Variants in HACD1 observed in about 807,000 individuals in gnomAD.
HACD1 encodes the protein very-long-chain (3R)-3-hydroxyacyl-CoA dehydratase 1.
HACD1 carries 41 observed loss-of-function variants against 32.0 expected under a neutral mutation model. That is an observed-to-expected ratio of 1.28 (90% CI 1.00 to 1.66). HACD1 has a LOEUF of 1.66. Among genes scored for constraint, HACD1 ranks in the 40% most tolerant of loss-of-function variants. HACD1 has a pLI of 0.00. For missense variants in HACD1, 396 were observed against 380.1 expected (o/e 1.04, Z -0.35); for synonymous variants, 142 against 139.0 (o/e 1.02, Z -0.15).
chr10:17,594,226 T>C lies in HACD1; in HGVS notation c.763A>G (p.Thr255Ala). 1.3e-6 allele frequency: 2 copies of C among 1,575,450 alleles called. No homozygotes were observed. The highest frequency in any genetic ancestry group is 2.4e-5 in the South Asian group (2 of 84,946). ...TTACAAGGTATATATGATGCCATGG[T>C]TATAAGAAGAAAATAATAGTAGTCA... Reference protein sequence around the residue: ...SFDYYYFLLITMASYIPLFPQ... With the variant: ...SFDYYYFLLIAMASYIPLFPQ... The change falls in exon 6 of 7, where the codon ACC becomes GCC. Residue 255 changes from threonine (T) to alanine (A), a missense_variant. Thr to Ala is a moderately conservative substitution (Grantham distance 58, BLOSUM62 0). Transcript: ENST00000361271.
chr10:17,599,268 C>T, intron 5 of HACD1, 22 bp downstream of exon 5: 1 of 1,612,888 alleles, frequency 6.2e-7, no homozygotes, highest in South Asian at 1.1e-5. Context: ...CAAGGAGAAA[C>T]TAAACTGCAA....
At chr10:17,595,865 C>T (rs1418233208) in intron 5 of HACD1, among the ~76,000 whole-genome samples, 6 of 151,986 alleles carry the variant, frequency 3.9e-5, no homozygotes, top group South Asian at 4.2e-4. Context: ...GCATGCCTGT[C>T]GCCCCAGCTA....
intron 1 of HACD1, among the ~76,000 whole-genome samples, chr10:17,610,543 G>A (rs1190964764): frequency 2.0e-5 from 3 of 151,982 alleles, no homozygotes; most frequent in Admixed American, 1.3e-4. Context: ...CAGCTACTCG[G>A]GAGGCTGAGG....
intron 1 of HACD1, among the ~76,000 whole-genome samples, chr10:17,612,167 C>T (rs895515464): frequency 2.7e-5 from 4 of 147,426 alleles, no homozygotes; most frequent in African/African-American, 4.9e-5. Context: ...AGGTGTAATT[C>T]TTCTTCCAGG....
At chr10:17,602,156 A>T (rs1200717336) in intron 4 of HACD1, among the ~76,000 whole-genome samples, 1 of 148,224 alleles carries the variant, frequency 6.7e-6, no homozygotes, top group Non-Finnish European at 1.5e-5. Flanking sequence ...TGCACCCTCC[A>T]CCTCCCAGGT....
chr10:17,590,387 C>T lies in HACD1; in HGVS notation c.844G>A (p.Val282Met), dbSNP rs368924879. ...RQRRKVLHGE[V>M]IVEKDD ...ATTTAATCATCCTTTTCTACAATCACCTCTCCATGAAGCACCTTTCTTCTT... is the reference window on the plus strand; with the variant it reads ...ATTTAATCATCCTTTTCTACAATCATCTCTCCATGAAGCACCTTTCTTCTT... Residue 282 changes from valine (V) to methionine (M), a missense_variant, in exon 7 of 7, where the codon GTG (valine) becomes ATG (methionine). By Grantham distance (21) the Val-to-Met change is conservative. Transcript: ENST00000361271. 4.4e-6 allele frequency: 7 copies of T among 1,601,274 alleles called. No individual in the cohort carries two copies. In the African/African-American group the frequency reaches 5.4e-5, roughly 12 times the overall value.
chr10:17,615,233 A>G (rs954290156), intron 1 of HACD1, among the ~76,000 whole-genome samples: 2 of 152,246 alleles, frequency 1.3e-5, no homozygotes, highest in African/African-American at 4.8e-5. Context: ...GGAGTCAGAG[A>G]GTCCGGGTTG....
intron 5 of HACD1, among the ~76,000 whole-genome samples, chr10:17,596,947 C>T (rs1429755365): frequency 4.6e-5 from 7 of 152,148 alleles, no homozygotes; most frequent in African/African-American, 1.7e-4. Flanking sequence ...AGAATGACAG[C>T]TTCAACATCT....
At chr10:17,613,362 T>C (rs921793194) in intron 1 of HACD1, among the ~76,000 whole-genome samples, 1 of 152,160 alleles carries the variant, frequency 6.6e-6, no homozygotes, top group South Asian at 2.1e-4. Context: ...GAGCCTCAAC[T>C]AGTCTTCTGC....
intron 1 of HACD1, among the ~76,000 whole-genome samples, chr10:17,609,806 C>G (rs1173334283): frequency 6.6e-6 from 1 of 151,752 alleles, no homozygotes; most frequent in Non-Finnish European, 1.5e-5. Flanking sequence ...CCTGGTGAAA[C>G]CCCGTCTCTA....
intron 4 of HACD1, among the ~76,000 whole-genome samples, chr10:17,599,628 G>GT (rs761595070): frequency 2.6e-5 from 4 of 152,152 alleles, no homozygotes; most frequent in Non-Finnish European, 5.9e-5. Context: ...GCATAGACTC[G>GT]TTTTTCTTCC....
At chr10:17,609,677 A>C (rs1361057247) in intron 1 of HACD1, among the ~76,000 whole-genome samples, 2 of 152,154 alleles carry the variant, frequency 1.3e-5, no homozygotes, top group African/African-American at 4.8e-5. Flanking sequence ...TGCGAGAGGG[A>C]AGATAAAAGG....
Position 17,590,202 on chromosome 10 carries a change from C to A in HACD1, c.*162G>T. ...GTTCTTGTAAAAAATAGATCTGGCA[C>A]AAGAGGAACACAAATACTGGCAAAT... On this transcript the variant is annotated 3_prime_UTR_variant, in exon 7 of 7. Coordinates refer to ENST00000361271, the MANE Select transcript of HACD1 (RefSeq NM_014241.4). The A allele has an allele frequency of 2.2e-6, 1 of 463,834 alleles. No homozygotes were observed. Among genetic ancestry groups the A allele is most frequent in the Non-Finnish European group, 3.8e-6 (1 of 262,918 alleles). The allele number at this position is 463,834 out of a possible 1,614,324, so 28.7% of individuals were successfully genotyped here.
chr10:17,612,876 C>T (rs1303616898), intron 1 of HACD1, among the ~76,000 whole-genome samples: 1 of 150,300 alleles, frequency 6.7e-6, no homozygotes, highest in South Asian at 2.1e-4. Flanking sequence ...GAGCCGAGAT[C>T]TCCCCACTGC....
At chr10:17,593,165 G>A (rs1564504035) in intron 6 of HACD1, among the ~76,000 whole-genome samples, 1 of 152,030 alleles carries the variant, frequency 6.6e-6, no homozygotes, top group Non-Finnish European at 1.5e-5. Context: ...GCAAGACTCT[G>A]TCTCAAAAAA....
chr10:17,600,525 C>T (rs374605012), intron 4 of HACD1, among the ~76,000 whole-genome samples: 2 of 152,112 alleles, frequency 1.3e-5, no homozygotes, highest in African/African-American at 2.4e-5. Context: ...GGGGTTTCAC[C>T]GTGTTGGCCA....
chr10:17,591,193 G>A lies in HACD1; in HGVS notation c.785-747C>T, dbSNP rs1158066850. On this transcript the variant is annotated intron_variant, in intron 6 of 6. Coordinates refer to ENST00000361271, the MANE Select transcript of HACD1 (RefSeq NM_014241.4). ...CTCCTGCACATGTGTGAGGATACCC[G>A]GGTGCATACATCTAAGCTTCATCCA... Among the ~76,000 whole-genome samples the A allele has an allele frequency of 3.9e-5, 6 of 152,090 alleles. No individual in the cohort carries two copies. The East Asian group carries it at 7.8e-4, about 20-fold the overall frequency.
intron 1 of HACD1, among the ~76,000 whole-genome samples, chr10:17,615,212 A>T (rs1833056917): frequency 6.6e-6 from 1 of 152,266 alleles, no homozygotes; most frequent in African/African-American, 2.4e-5. Context: ...AAGATGAAGT[A>T]GCAGGACAGT....
intron 1 of HACD1, among the ~76,000 whole-genome samples, chr10:17,609,734 G>C (rs553352203): frequency 6.6e-6 from 1 of 152,018 alleles, no homozygotes; most frequent in East Asian, 1.9e-4. Context: ...AAGAAATTAC[G>C]CTTTGGGAGG....
Sources: allele counts gnomAD v4.1 joint callset (sites outside exome capture counted in the v4.1 genomes callset), GRCh38; gene constraint gnomAD v4.1.1; transcripts MANE v1.5; gene names NCBI Gene and HGNC (gene_info 2026-07-23, HGNC 2026-07-21).